Variants in CCDC50 observed in about 807,000 individuals in gnomAD.
The protein encoded by CCDC50 is coiled-coil domain-containing protein 50.
CCDC50 carries 54 observed loss-of-function variants against 70.2 expected under a neutral mutation model. That is an observed-to-expected ratio of 0.77 (90% CI 0.62 to 0.96). CCDC50 has a LOEUF of 0.96. Among genes scored for constraint, CCDC50 ranks in the 50% least tolerant of loss-of-function variants. The pLI, the probability that CCDC50 is intolerant of heterozygous loss-of-function variation, is 0.00. For synonymous variants in CCDC50, 216 were observed against 198.8 expected, an observed-to-expected ratio of 1.09 and a Z score of -0.73; for missense variants, 558 against 578.7, an observed-to-expected ratio of 0.96 and a Z score of 0.37.
intron 10 of CCDC50, among the ~76,000 whole-genome samples, chr3:191,388,209 G>A (rs1456886501): frequency 1.3e-5 from 2 of 151,888 alleles, no homozygotes; most frequent in Non-Finnish European, 2.9e-5. Flanking sequence ...ACATATGAAA[G>A]TATACTTCTG....
chr3:191,383,486 T>TA (rs1713391098), intron 10 of CCDC50, among the ~76,000 whole-genome samples: 1 of 152,096 alleles, frequency 6.6e-6, no homozygotes, highest in Admixed American at 6.6e-5. Flanking sequence ...AAGAAAAAGA[T>TA]ACTAAAAACA....
intron 10 of CCDC50, among the ~76,000 whole-genome samples, chr3:191,386,226 T>TTTG (rs1275948411): frequency 2.2e-5 from 1 of 46,200 alleles, no homozygotes; most frequent in Non-Finnish European, 7.3e-5. Flanking sequence ...ATTTTTTTTT[T>TTTG]TTTTTTTTTT....
At chr3:191,340,909 C>T (rs916437718) in intron 1 of CCDC50, among the ~76,000 whole-genome samples, 9 of 152,182 alleles carry the variant, frequency 5.9e-5, no homozygotes, top group African/African-American at 1.9e-4. Flanking sequence ...AGTCATAGCT[C>T]ACTGTGGCCT....
At chr3:191,375,623 A>G (rs773030658) in intron 6 of CCDC50, 34 bp downstream of exon 6, 3 of 1,601,104 alleles carry the variant, frequency 1.9e-6, no homozygotes, top group South Asian at 1.1e-5. Context: ...AAGTCCTGGT[A>G]TCATGTATAT....
rs767587824 is a variant in CCDC50, at chr3:191,375,253, GA to G, written c.641del (p.Asp214AlafsTer34). 3 of 1,613,760 alleles carry G rather than the reference GA, an allele frequency of 1.9e-6. No individual in the cohort carries two copies. The South Asian group carries it at 3.3e-5, about 18-fold the overall frequency. Reference sequence around the variant, plus strand: ...ATCCTCTAGCTCGGGCAAAGGGAGGGACAATCCCCATATTAACAATGAGCAG... The same window carrying G: ...ATCCTCTAGCTCGGGCAAAGGGAGGGCAATCCCCATATTAACAATGAGCAG... ...LSSSSSGKGR[D>X]NPHINNEQHE... On this transcript the variant is annotated frameshift_variant, in exon 6 of 12. Coordinates refer to ENST00000392455, the MANE Select transcript of CCDC50 (RefSeq NM_178335.3). LOFTEE classifies it high-confidence loss of function.
chr3:191,379,338 C>T (rs371242083), intron 6 of CCDC50, among the ~76,000 whole-genome samples: 41 of 152,054 alleles, frequency 2.7e-4, no homozygotes, highest in African/African-American at 8.7e-4. Context: ...ATCAGGAGTA[C>T]ATTTTCTTTC....
chr3:191,388,983 CA>C (rs1219456050), intron 10 of CCDC50, among the ~76,000 whole-genome samples: 2 of 150,094 alleles, frequency 1.3e-5, no homozygotes, highest in Admixed American at 6.7e-5. Flanking sequence ...ATAGAATTTG[CA>C]AATGTATTAA....
intron 1 of CCDC50, among the ~76,000 whole-genome samples, chr3:191,349,557 G>C (rs1202743397): frequency 1.4e-5 from 2 of 141,366 alleles, no homozygotes; most frequent in African/African-American, 5.0e-5. Context: ...AGGAAACACT[G>C]TGAAAGAATC....
At chr3:191,379,480 T>C (rs1432508376) in intron 6 of CCDC50, among the ~76,000 whole-genome samples, 1 of 152,162 alleles carries the variant, frequency 6.6e-6, no homozygotes, top group African/African-American at 2.4e-5. Flanking sequence ...CCAGAATTGC[T>C]TTATAGGAAT....
chr3:191,337,933 C>A (rs776683234), intron 1 of CCDC50, among the ~76,000 whole-genome samples: 27 of 151,902 alleles, frequency 1.8e-4, no homozygotes, highest in Non-Finnish European at 3.4e-4. Context: ...TCAGAGGTAC[C>A]TAGGCTAATT....
At chr3:191,332,349 CTGGG>C (rs1718018100) in intron 1 of CCDC50, among the ~76,000 whole-genome samples, 1 of 152,110 alleles carries the variant, frequency 6.6e-6, no homozygotes, top group African/African-American at 2.4e-5. Context: ...ATCTCTTAAA[CTGGG>C]AGACAAAGGG....
rs373754274 is a variant in CCDC50 at position 191,329,913 on chromosome 3, C to G, written c.49+190C>G. On this transcript the variant is annotated intron_variant, in intron 1 of 11. Transcript: ENST00000392455. ...GGACGTTGGGCAAGTCTCCGACGTT[C>G]CAAGCCCGTTTTTTCTCAAGGGGGT... 3.0e-3 allele frequency among the ~76,000 whole-genome samples: 407 copies of G among 137,576 alleles called. 1 individual carries two copies. Among genetic ancestry groups the G allele is most frequent in the African/African-American group, 0.011 (388 of 35,944 alleles). The allele number at this position is 137,576 out of a possible 152,430, so 90.3% of individuals were successfully genotyped here. A position where few individuals can be genotyped will look rare whatever the true frequency, so the allele number is the denominator to read the frequency against.
At chr3:191,388,648 A>G (rs1250845157) in intron 10 of CCDC50, among the ~76,000 whole-genome samples, 4 of 152,218 alleles carry the variant, frequency 2.6e-5, no homozygotes, top group African/African-American at 9.6e-5. Flanking sequence ...GACAGAGCCC[A>G]TTGTACCAAA....
intron 1 of CCDC50, among the ~76,000 whole-genome samples, chr3:191,346,365 A>G (rs1029112612): frequency 2.0e-5 from 3 of 152,182 alleles, no homozygotes; most frequent in Admixed American, 1.3e-4. Context: ...TTGTAATCTC[A>G]TAGTATGTTG....
chr3:191,375,939 A>G (rs970224793), intron 6 of CCDC50, among the ~76,000 whole-genome samples: 2 of 152,142 alleles, frequency 1.3e-5, no homozygotes, highest in African/African-American at 4.8e-5. Flanking sequence ...TTCTGGTTTT[A>G]CTTCAGTGAA....
intron 4 of CCDC50, 81 bp downstream of exon 4, chr3:191,361,240 G>T (rs768714726): frequency 7.3e-6 from 7 of 953,034 alleles, no homozygotes; most frequent in Admixed American, 1.7e-5. Flanking sequence ...TAGGTCACGG[G>T]CTCAATGAAG....
In CCDC50 at chr3:191,396,962, A is replaced by G. The variant is rs1395566071; in HGVS notation, c.*5202A>G. On this transcript the variant is annotated 3_prime_UTR_variant, in exon 12 of 12. Coordinates refer to ENST00000392455, the MANE Select transcript of CCDC50 (RefSeq NM_178335.3). ...CATTTGTACATTCTCAGCAAACTAG[A>G]AGAAAATGTTTTTTCTCTTTTTGAG... 6.6e-6 allele frequency: 1 copy of G among 152,220 alleles called. No homozygotes were observed. Among genetic ancestry groups the G allele is most frequent in the Admixed American group, 6.5e-5 (1 of 15,274 alleles). 9.4% of individuals were successfully genotyped at this position (152,220 alleles called of 1,614,324 possible). A position where few individuals can be genotyped will look rare whatever the true frequency, so the allele number is the denominator to read the frequency against.
chr3:191,370,888 C>T (rs954271822), intron 5 of CCDC50, among the ~76,000 whole-genome samples: 7 of 152,048 alleles, frequency 4.6e-5, no homozygotes, highest in Admixed American at 4.6e-4. Context: ...TAAACTTTAG[C>T]GACTTGGAAT....
chr3:191,380,997 TTTGAG>T, intron 9 of CCDC50, 65 bp downstream of exon 9: 1 of 1,270,666 alleles, frequency 7.9e-7, no homozygotes, highest in Non-Finnish European at 1.1e-6. Flanking sequence ...GGACTCTGCT[TTTGAG>T]TTAAGCTCTG....
Sources: allele counts gnomAD v4.1 joint callset (sites outside exome capture counted in the v4.1 genomes callset), GRCh38; gene constraint gnomAD v4.1.1; transcripts MANE v1.5; gene names NCBI Gene and HGNC (gene_info 2026-07-23, HGNC 2026-07-21).